CHODL: variants seen among roughly 807,000 people sequenced by gnomAD.
The protein encoded by CHODL is chondrolectin, also known as transmembrane protein MT75.
In CHODL, 29 loss-of-function variants were observed where a neutral mutation model predicts 34.5. The observed-to-expected ratio is 0.84, with a 90% CI of 0.63 to 1.15. The LOEUF is 1.15. Among genes scored for constraint, CHODL ranks in the 50% most tolerant of loss-of-function variants. CHODL has a pLI of 0.00. For synonymous variants in CHODL, 125 were observed against 116.1 expected (o/e 1.08, Z -0.49); for missense variants, 332 against 332.5 (o/e 1.00, Z 0.01).
chr21:18,087,078 G>A (rs1258490890), intron 2 of CHODL, among the ~76,000 whole-genome samples: 1 of 152,192 alleles, frequency 6.6e-6, no homozygotes, highest in Non-Finnish European at 1.5e-5. Flanking sequence ...GCTTATGAGA[G>A]CTTGGTCTTC....
chr21:17,995,432 A>G (rs2063839806), intron 1 of CHODL, among the ~76,000 whole-genome samples: 1 of 152,174 alleles, frequency 6.6e-6, no homozygotes, highest in Non-Finnish European at 1.5e-5. Context: ...TATGCCAGCC[A>G]GGCTGGCTAT....
intron 2 of CHODL, among the ~76,000 whole-genome samples, chr21:18,168,064 TC>T: frequency 6.6e-6 from 1 of 152,296 alleles, no homozygotes; most frequent in African/African-American, 2.4e-5. Flanking sequence ...CCCTCAAATA[TC>T]GGACTCCAAG....
At chr21:18,035,099 C>G (rs903243764) in intron 2 of CHODL, among the ~76,000 whole-genome samples, 1 of 151,992 alleles carries the variant, frequency 6.6e-6, no homozygotes. Flanking sequence ...ATTGAAAAAT[C>G]TGTTTTTAGA....
chr21:17,994,631 G>A (rs57906280), intron 1 of CHODL, among the ~76,000 whole-genome samples: 3,511 of 152,224 alleles, frequency 0.023, 130 homozygotes, highest in African/African-American at 0.075. Flanking sequence ...CACTGGCAAC[G>A]GTAGTCAGGG....
At chr21:18,040,312 A>G (rs564348073) in intron 2 of CHODL, among the ~76,000 whole-genome samples, 275 of 151,974 alleles carry the variant, frequency 1.8e-3, no homozygotes, top group African/African-American at 6.5e-3. Context: ...TTATCTTTAC[A>G]AAAGAGAAGG....
chr21:18,168,491 T>C (rs2073185010), intron 2 of CHODL, among the ~76,000 whole-genome samples: 3 of 152,188 alleles, frequency 2.0e-5, no homozygotes, highest in Non-Finnish European at 4.4e-5. Context: ...TGGAATCTCA[T>C]TGTGGTTTTG....
chr21:18,025,970 A>G (rs2064170824), intron 1 of CHODL, among the ~76,000 whole-genome samples: 1 of 152,172 alleles, frequency 6.6e-6, no homozygotes, highest in Admixed American at 6.5e-5. Context: ...ACATTCTGAC[A>G]TACTGGGGAT....
chr21:18,013,014 A>G (rs1169253834), intron 1 of CHODL, among the ~76,000 whole-genome samples: 1 of 152,210 alleles, frequency 6.6e-6, no homozygotes, highest in African/African-American at 2.4e-5. Flanking sequence ...TAATTATCTC[A>G]AGGATTAGAA....
intron 1 of CHODL, among the ~76,000 whole-genome samples, chr21:17,926,980 ACACACACACACACG>A (rs1022344901): frequency 2.1e-4 from 32 of 150,650 alleles, no homozygotes; most frequent in African/African-American, 7.6e-4. Context: ...ATACACAGAC[ACACACACACACACG>A]CACACACACA....
chr21:18,091,814 T>A (rs1201129348), intron 2 of CHODL, among the ~76,000 whole-genome samples: 3 of 152,132 alleles, frequency 2.0e-5, no homozygotes, highest in Non-Finnish European at 4.4e-5. Context: ...CCTGGCAGAA[T>A]GCCCCGTGGA....
intron 2 of CHODL, among the ~76,000 whole-genome samples, chr21:18,094,619 T>A (rs997837749): frequency 6.0e-5 from 9 of 149,892 alleles, no homozygotes; most frequent in Non-Finnish European, 1.3e-4. Context: ...GGTCAATGAA[T>A]AAATTAAGAA....
At chr21:18,023,623 T>A (rs1348292113) in intron 1 of CHODL, among the ~76,000 whole-genome samples, 2 of 152,130 alleles carry the variant, frequency 1.3e-5, no homozygotes, top group East Asian at 3.9e-4. Flanking sequence ...TCTGAGTTTG[T>A]CCCCTGGATT....
chr21:18,222,714 G>T (rs765189126), intron 2 of CHODL, among the ~76,000 whole-genome samples: 1 of 152,088 alleles, frequency 6.6e-6, no homozygotes, highest in Non-Finnish European at 1.5e-5. Context: ...GGTCTCTGTT[G>T]CTACCCTGCT....
chr21:18,156,199 G>T (rs2073032890), intron 2 of CHODL, among the ~76,000 whole-genome samples: 1 of 152,164 alleles, frequency 6.6e-6, no homozygotes, highest in African/African-American at 2.4e-5. Context: ...ACTCTTAAAG[G>T]CAACTTACGT....
intron 1 of CHODL, among the ~76,000 whole-genome samples, chr21:17,927,144 ATATATGTATATATATGTATATATG>A (rs2063233853): frequency 7.3e-6 from 1 of 136,116 alleles, no homozygotes; most frequent in Non-Finnish European, 1.5e-5. Flanking sequence ...GTATATATGT[ATATATGTATATATATGTATATATG>A]TATATATGTA....
At chr21:18,177,455 A>G (rs556297495) in intron 2 of CHODL, among the ~76,000 whole-genome samples, 78 of 152,296 alleles carry the variant, frequency 5.1e-4, no homozygotes, top group African/African-American at 1.7e-3. Context: ...TAGCTTCAGC[A>G]TAATTCATGG....
intron 2 of CHODL, among the ~76,000 whole-genome samples, chr21:18,220,869 G>A (rs2207379): frequency 6.6e-6 from 1 of 152,068 alleles, no homozygotes; most frequent in African/African-American, 2.4e-5. Context: ...GTGCCTTGGA[G>A]AGGATCTTTT....
intron 4 of CHODL, among the ~76,000 whole-genome samples, chr21:18,262,023 T>G (rs1277920130): frequency 6.6e-6 from 1 of 151,620 alleles, no homozygotes; most frequent in African/African-American, 2.4e-5. Flanking sequence ...ATCTTAATAA[T>G]TATTATTTTT....
At chr21:18,013,969 A>G (rs978729404) in intron 1 of CHODL, among the ~76,000 whole-genome samples, 3 of 152,104 alleles carry the variant, frequency 2.0e-5, no homozygotes, top group South Asian at 2.1e-4. Flanking sequence ...TGTTAGGACC[A>G]CTTACTAGCA....
Sources: allele counts gnomAD v4.1 joint callset (sites outside exome capture counted in the v4.1 genomes callset), GRCh38; gene constraint gnomAD v4.1.1; transcripts MANE v1.5; gene names NCBI Gene and HGNC (gene_info 2026-07-23, HGNC 2026-07-21).